Variants in DIS3L2 observed in about 807,000 individuals in gnomAD.
DIS3L2 encodes DIS3-like exonuclease 2.
A neutral mutation model predicts 97.5 loss-of-function variants in DIS3L2; 34 were observed. The observed-to-expected ratio is 0.35, with a 90% CI of 0.27 to 0.46. The LOEUF (loss-of-function observed/expected upper bound fraction) is 0.46. Ranked by LOEUF, DIS3L2 falls within the 20% of genes least tolerant of loss-of-function variation. The probability of loss-of-function intolerance (pLI) is 1.00; values close to 1 mark genes in which losing one functional copy is unlikely to be tolerated. For synonymous variants in DIS3L2, 435 were observed against 445.2 expected, an observed-to-expected ratio of 0.98 and a Z score of 0.29; for missense variants, 1,038 against 1,146.0, an observed-to-expected ratio of 0.91 and a Z score of 1.36.
intron 9 of DIS3L2, among the ~76,000 whole-genome samples, chr2:232,206,649 A>G (rs1319900444): frequency 6.6e-6 from 1 of 152,182 alleles, no homozygotes; most frequent in Non-Finnish European, 1.5e-5. Flanking sequence ...CCAATTCCTG[A>G]TCAGGAATAA....
At chr2:232,083,590 G>A (rs1040621697) in intron 5 of DIS3L2, among the ~76,000 whole-genome samples, 2 of 151,810 alleles carry the variant, frequency 1.3e-5, no homozygotes, top group African/African-American at 4.8e-5. Context: ...TGCCCCCTGG[G>A]CTCAAGTGAT....
chr2:232,207,596 C>T (rs1270270234), intron 9 of DIS3L2, among the ~76,000 whole-genome samples: 4 of 152,116 alleles, frequency 2.6e-5, no homozygotes, highest in Non-Finnish European at 4.4e-5. Context: ...TGACTCTCCT[C>T]GAAATATTTA....
intron 3 of DIS3L2, among the ~76,000 whole-genome samples, chr2:232,019,437 A>G (rs534582052): frequency 2.0e-5 from 3 of 152,162 alleles, no homozygotes; most frequent in African/African-American, 7.2e-5. Context: ...ATTCCTAGCT[A>G]CTGGGAAGGC....
chr2:232,329,785 T>TCCCAGGGCCAC, intron 14 of DIS3L2, 28 bp from the exon 15 acceptor site: 1 of 967,144 alleles, frequency 1.0e-6, no homozygotes, highest in African/African-American at 1.7e-5. Context: ...ACCCCAGCGG[T>TCCCAGGGCCAC]CCCTCCCATC....
rs999797418 is a variant in DIS3L2, at chr2:232,334,276, G to A, written c.2159-93G>A. ...TGGGTGCTTGGGGTCCTAATCTGTC[G>A]GCGGGGGTGCAGCGCCATGCAGCCC... On this transcript the variant is annotated intron_variant, in intron 17 of 20. Transcript: ENST00000325385. 1.0e-5 allele frequency: 15 copies of A among 1,461,544 alleles called. No individual in the cohort carries two copies. The African/African-American group carries it at 1.4e-4, about 14-fold the overall frequency. The allele number at this position is 1,461,544 out of a possible 1,614,324, so 90.5% of individuals were successfully genotyped here.
chr2:232,222,420 C>T (rs553225122), intron 10 of DIS3L2, among the ~76,000 whole-genome samples: 1 of 152,114 alleles, frequency 6.6e-6, no homozygotes, highest in Non-Finnish European at 1.5e-5. Flanking sequence ...GTAGATCTGT[C>T]AGCTCATAAG....
At chr2:232,167,687 T>C (rs765291728) in intron 9 of DIS3L2, among the ~76,000 whole-genome samples, 4 of 152,236 alleles carry the variant, frequency 2.6e-5, no homozygotes, top group Non-Finnish European at 5.9e-5. Flanking sequence ...TGAAAGGTGC[T>C]GCGTTTTTAG....
At position 232,115,542 on chromosome 2, in the gene DIS3L2, G is replaced by T. The variant is rs376201363; in HGVS notation, c.602-15077G>T. Among the ~76,000 whole-genome samples, 30 of 152,300 alleles carry T rather than the reference G, an allele frequency of 2.0e-4. No individual in the cohort carries two copies. The East Asian group carries it at 4.3e-3, about 22-fold the overall frequency. On this transcript the variant is annotated intron_variant, in intron 6 of 20. Transcript: ENST00000325385. ...ATTCTGAGGCTGTTTGCCTGTGAATGATATGGTTTGGCTCTGTGTTCCCAC... is the reference window on the plus strand; with the variant it reads ...ATTCTGAGGCTGTTTGCCTGTGAATTATATGGTTTGGCTCTGTGTTCCCAC...
intron 9 of DIS3L2, among the ~76,000 whole-genome samples, chr2:232,194,732 G>A (rs568595560): frequency 4.9e-4 from 74 of 152,280 alleles, no homozygotes; most frequent in African/African-American, 1.6e-3. Context: ...TGAATTTAGC[G>A]CCAGTCCAGG....
At chr2:231,982,743 T>A (rs981076220) in intron 1 of DIS3L2, among the ~76,000 whole-genome samples, 34 of 151,478 alleles carry the variant, frequency 2.2e-4, no homozygotes, top group Admixed American at 1.4e-3. Context: ...GTAGTGGCAA[T>A]ATCACATCTG....
chr2:232,201,064 C>T (rs1057448565), intron 9 of DIS3L2, among the ~76,000 whole-genome samples: 4 of 152,190 alleles, frequency 2.6e-5, no homozygotes, highest in Admixed American at 6.5e-5. Flanking sequence ...CGTGAGCCAC[C>T]GTGCCTGGCC....
At chr2:232,250,503 C>A (rs1478749024) in intron 12 of DIS3L2, among the ~76,000 whole-genome samples, 2 of 150,162 alleles carry the variant, frequency 1.3e-5, no homozygotes, top group South Asian at 4.2e-4. Context: ...AGAAACAACC[C>A]AGTTTATGCA....
intron 8 of DIS3L2, among the ~76,000 whole-genome samples, chr2:232,146,789 C>G (rs1160381246): frequency 6.6e-6 from 1 of 152,092 alleles, no homozygotes. Flanking sequence ...TGTTGGGTAG[C>G]AAACCAATAT....
intron 9 of DIS3L2, among the ~76,000 whole-genome samples, chr2:232,195,586 G>C (rs967877087): frequency 2.8e-4 from 42 of 148,928 alleles, no homozygotes; most frequent in South Asian, 6.5e-4. Context: ...GGTGGGTGGG[G>C]GTGCCACAAG....
intron 8 of DIS3L2, among the ~76,000 whole-genome samples, chr2:232,156,635 C>T (rs1390738736): frequency 3.9e-5 from 6 of 151,984 alleles, no homozygotes; most frequent in African/African-American, 1.5e-4. Context: ...GTTTTTAGCC[C>T]CTTTTCTATT....
At chr2:232,335,712 G>A in intron 19 of DIS3L2, 61 bp from the exon 20 acceptor site, 7 of 1,513,820 alleles carry the variant, frequency 4.6e-6, no homozygotes, top group East Asian at 2.5e-5. Flanking sequence ...AGCCCTCCAG[G>A]GTGGAAGGGC....
intron 1 of DIS3L2, among the ~76,000 whole-genome samples, chr2:231,999,307 T>C (rs1693813870): frequency 6.6e-6 from 1 of 152,194 alleles, no homozygotes. Context: ...GAGTGGTGTT[T>C]AGAAACTGAG....
At chr2:232,011,545 G>T (rs1694201187) in intron 1 of DIS3L2, among the ~76,000 whole-genome samples, 1 of 152,042 alleles carries the variant, frequency 6.6e-6, no homozygotes, top group African/African-American at 2.4e-5. Context: ...TAGAGACAGG[G>T]TTTCTCTATG....
At position 232,079,399 on chromosome 2, in the gene DIS3L2, A is replaced by G. The variant is rs538021625; in HGVS notation, c.367-8088A>G. ...ATCACAAGGTCACCAGATCAAGACT[A>G]TCCTGGCTAACATGGTGAAACCCCG... On this transcript the variant is annotated intron_variant, in intron 5 of 20. Coordinates refer to ENST00000325385, the MANE Select transcript of DIS3L2 (RefSeq NM_152383.5). Among the ~76,000 whole-genome samples, 424 of 152,050 alleles carry G rather than the reference A, an allele frequency of 2.8e-3. 1 individual carries two copies. Among genetic ancestry groups the G allele is most frequent in the Non-Finnish European group, 4.6e-3 (316 of 67,974 alleles).
Sources: gnomAD v4.1 joint callset for allele counts (sites outside exome capture counted in the v4.1 genomes callset) on GRCh38, gnomAD v4.1.1 for gene constraint, MANE v1.5 for transcripts, NCBI Gene and HGNC (gene_info 2026-07-23, HGNC 2026-07-21) for gene names.